The following UCHL5 variants were observed in gnomAD, a reference collection of about 807,000 sequenced individuals.
UCHL5 encodes ubiquitin C-terminal hydrolase L5.
A neutral mutation model predicts 53.8 loss-of-function variants in UCHL5; 34 were observed. The observed-to-expected ratio is 0.63, with a 90% CI of 0.48 to 0.84. UCHL5 has a LOEUF of 0.84. Among genes scored for constraint, UCHL5 ranks in the 40% least tolerant of loss-of-function variants. The probability of loss-of-function intolerance (pLI) is 0.00; values close to 1 mark genes in which losing one functional copy is unlikely to be tolerated. For missense variants in UCHL5, 290 were observed against 385.6 expected (o/e 0.75, Z 2.08); for synonymous variants, 111 against 126.3 (o/e 0.88, Z 0.81).
chr1:193,053,444 G>T (rs1669694922), intron 1 of UCHL5, among the ~76,000 whole-genome samples: 1 of 152,142 alleles, frequency 6.6e-6, no homozygotes, highest in Non-Finnish European at 1.5e-5. Context: ...AAACACATCT[G>T]TTCATGTAAG....
Position 193,044,684 on chromosome 1 carries a change from T to C in UCHL5, c.246+5062A>G, listed in dbSNP as rs182916683. On this transcript the variant is annotated intron_variant, in intron 3 of 10. Transcript: ENST00000367454. The stretch of plus-strand genomic sequence containing the variant: ...ATAACCTTATCAAATAAATATGATT[T>C]CATTAAATTTTTTCAAATTTCTGAA... 2.5e-3 allele frequency among the ~76,000 whole-genome samples: 388 copies of C among 152,278 alleles called. 2 individuals carry two copies. Among genetic ancestry groups the C allele is most frequent in the African/African-American group, 8.7e-3 (360 of 41,554 alleles).
Position 193,050,934 on chromosome 1 carries a change from A to C in UCHL5, c.140+820T>G, listed in dbSNP as rs1668843610. Among the ~76,000 whole-genome samples, 5 of 152,276 alleles carry C rather than the reference A, an allele frequency of 3.3e-5. No homozygotes were observed. In the South Asian group the frequency reaches 8.3e-4, roughly 25 times the overall value. ...ACCATGCCTGGCTCCCATTTTTTAA[A>C]GACAGTTCAAATGATCCATTTTTAA... On this transcript the variant is annotated intron_variant, in intron 2 of 10. Coordinates refer to ENST00000367454, the MANE Select transcript of UCHL5 (RefSeq NM_001199261.3).
At chr1:193,056,243 C>T (rs150915917) in intron 1 of UCHL5, among the ~76,000 whole-genome samples, 1,851 of 152,150 alleles carry the variant, frequency 0.012, 19 homozygotes, top group South Asian at 0.034. Flanking sequence ...TACTGAAATA[C>T]AGGAACATCT....
chr1:193,016,804 A>G (rs1006544787), intron 10 of UCHL5, among the ~76,000 whole-genome samples: 2 of 151,850 alleles, frequency 1.3e-5, no homozygotes, highest in African/African-American at 4.8e-5. Flanking sequence ...TGAGTTTAAC[A>G]TAACAGTTTA....
intron 7 of UCHL5, among the ~76,000 whole-genome samples, chr1:193,025,137 GCA>G (rs1303372893): frequency 6.6e-6 from 1 of 151,922 alleles, no homozygotes; most frequent in Non-Finnish European, 1.5e-5. Flanking sequence ...ATACCAACAG[GCA>G]CAGACAAAAA....
chr1:193,059,889 A>T, upstream of UCHL5: 1 of 1,365,428 alleles, frequency 7.3e-7, no homozygotes, highest in Middle Eastern at 2.1e-4. The surrounding 1 kb of genome is among the most constrained non-coding windows in gnomAD (Gnocchi z 4.9). Flanking sequence ...GAGGCTGGGC[A>T]AACGCCGCGA....
intron 3 of UCHL5, among the ~76,000 whole-genome samples, chr1:193,045,848 G>A (rs1211616377): frequency 1.3e-5 from 2 of 151,946 alleles, no homozygotes; most frequent in African/African-American, 4.8e-5. Flanking sequence ...TATATACATT[G>A]AAAAAATAAA....
intron 3 of UCHL5, among the ~76,000 whole-genome samples, chr1:193,045,137 G>A (rs996803675): frequency 6.6e-6 from 1 of 152,224 alleles, no homozygotes; most frequent in East Asian, 1.9e-4. Flanking sequence ...TTCTAGCACT[G>A]TTTAATAGTA....
At chr1:193,059,876 G>T (rs1318523701), upstream of UCHL5, 4 of 1,365,008 alleles carry the variant, frequency 2.9e-6, no homozygotes, top group Middle Eastern at 2.1e-4. The surrounding 1 kb of genome is among the most constrained non-coding windows in gnomAD (Gnocchi z 4.9). Flanking sequence ...CATCCCAGGG[G>T]TTGAGGCTGG....
chr1:193,044,972 T>C (rs1367074186), intron 3 of UCHL5, among the ~76,000 whole-genome samples: 2 of 152,138 alleles, frequency 1.3e-5, no homozygotes, highest in South Asian at 2.1e-4. Context: ...ATAATACAAA[T>C]GTAACACAGA....
chr1:193,039,188 G>GCCAACCTGGCCTCAAGTTTGAGA (rs1032704264), intron 3 of UCHL5, among the ~76,000 whole-genome samples: 10 of 152,030 alleles, frequency 6.6e-5, no homozygotes, highest in Non-Finnish European at 8.8e-5. Flanking sequence ...ATCACTTGAG[G>GCCAACCTGGCCTCAAGTTTGAGA]CCAACCTGGC....
rs1469873871 is a variant in UCHL5, at chr1:193,015,218, T to C, written c.*1133A>G. 1.3e-5 allele frequency: 2 copies of C among 152,088 alleles called. No individual in the cohort carries two copies. Among genetic ancestry groups the C allele is most frequent in the Admixed American group, 1.3e-4 (2 of 15,252 alleles). The allele number at this position is 152,088 out of a possible 1,614,324, so 9.4% of individuals were successfully genotyped here. ...TTAAAAATGTGCTGAAGCTGGAAGA[T>C]GGGTACACATTCTCCCTAATAAAAT... On this transcript the variant is annotated 3_prime_UTR_variant, in exon 11 of 11. Coordinates refer to ENST00000367454, the MANE Select transcript of UCHL5 (RefSeq NM_001199261.3).
chr1:193,026,694 TA>T (rs80265801), intron 7 of UCHL5, among the ~76,000 whole-genome samples: 2,606 of 141,322 alleles, frequency 0.018, 23 homozygotes, highest in South Asian at 0.038. Context: ...GGTAGTTTCT[TA>T]AAAAAAAAAA....
intron 3 of UCHL5, among the ~76,000 whole-genome samples, chr1:193,044,241 T>C (rs996064176): frequency 2.6e-5 from 4 of 152,166 alleles, no homozygotes; most frequent in African/African-American, 9.7e-5. Context: ...CTAAGCATAT[T>C]TGAGGGCAGG....
rs1472373852 is a variant in UCHL5, at chr1:193,012,753, T to C, written c.*3598A>G. ...TTTGAAAAGTTGTATTACATACTTA[T>C]TATCTGTCTCACCATGAGAGCAGGG... On this transcript the variant is annotated 3_prime_UTR_variant, in exon 11 of 11. Coordinates refer to ENST00000367454, the MANE Select transcript of UCHL5 (RefSeq NM_001199261.3). 1 of 152,206 alleles carries C rather than the reference T, an allele frequency of 6.6e-6. No individual in the cohort carries two copies. The highest frequency in any genetic ancestry group is 1.5e-5 in the Non-Finnish European group (1 of 68,038). The allele number at this position is 152,206 out of a possible 1,614,324, so 9.4% of individuals were successfully genotyped here.
chr1:193,030,913 AAT>A (rs2102482407), intron 3 of UCHL5, among the ~76,000 whole-genome samples: 1 of 152,264 alleles, frequency 6.6e-6, no homozygotes, highest in African/African-American at 2.4e-5. Flanking sequence ...TCCATTACAG[AAT>A]AGTCTCGTAC....
intron 1 of UCHL5, among the ~76,000 whole-genome samples, chr1:193,054,326 G>A (rs1412615701): frequency 1.3e-5 from 2 of 152,152 alleles, no homozygotes; most frequent in African/African-American, 4.8e-5. Flanking sequence ...CCAACAGACG[G>A]TTTTGACAAC....
intron 3 of UCHL5, among the ~76,000 whole-genome samples, chr1:193,047,867 A>C (rs1038616061): frequency 2.0e-5 from 3 of 152,224 alleles, no homozygotes; most frequent in Non-Finnish European, 4.4e-5. Context: ...AGGCAATGAC[A>C]TTAAACTATT....
intron 2 of UCHL5, among the ~76,000 whole-genome samples, chr1:193,050,919 G>C (rs528763079): frequency 6.6e-6 from 1 of 152,090 alleles, no homozygotes; most frequent in African/African-American, 2.4e-5. Flanking sequence ...ACCATGCCTG[G>C]CTCCCATTTT....
Sources: allele counts gnomAD v4.1 joint callset (sites outside exome capture counted in the v4.1 genomes callset), GRCh38; gene constraint gnomAD v4.1.1; non-coding constraint Gnocchi (gnomAD v3.1); transcripts MANE v1.5; gene names NCBI Gene and HGNC (gene_info 2026-07-23, HGNC 2026-07-21).